NFIB: variants seen among roughly 807,000 people sequenced by gnomAD.
The protein encoded by NFIB is nuclear factor I B.
NFIB carries 11 observed loss-of-function variants against 61.5 expected under a neutral mutation model. That is an observed-to-expected ratio of 0.18 (90% CI 0.11 to 0.30). The LOEUF is 0.30. Among genes scored for constraint, NFIB ranks in the 10% least tolerant of loss-of-function variants. The pLI is 1.00. For synonymous variants in NFIB, 260 were observed against 216.5 expected (o/e 1.20, Z -1.76); for missense variants, 471 against 608.9 (o/e 0.77, Z 2.38).
At chr9:14,151,210 C>A (rs576853226) in intron 4 of NFIB, among the ~76,000 whole-genome samples, 1 of 152,196 alleles carries the variant, frequency 6.6e-6, no homozygotes, top group African/African-American at 2.4e-5. Context: ...CGTGCTCAAC[C>A]ATTGTGAGTT....
At chr9:14,492,582 G>C in the NFIB span, among the ~76,000 whole-genome samples, 1 of 151,818 alleles carries the variant, frequency 6.6e-6, no homozygotes, top group East Asian at 1.9e-4. Flanking sequence ...AGAGGGAGGG[G>C]GAAGGGAAGG....
intron 2 of NFIB, among the ~76,000 whole-genome samples, chr9:14,247,991 G>A (rs112990324): frequency 5.0e-4 from 74 of 147,126 alleles, no homozygotes; most frequent in Admixed American, 1.4e-3. Context: ...GGAGTACAAC[G>A]GCATAATCAA....
Position 14,240,133 on chromosome 9 carries a change from T to C in NFIB, c.563-60353A>G, listed in dbSNP as rs1301717783. 2.0e-5 allele frequency among the ~76,000 whole-genome samples: 3 copies of C among 152,268 alleles called. No homozygotes were observed. The East Asian group carries it at 5.8e-4, about 29-fold the overall frequency. On this transcript the variant is annotated intron_variant, in intron 2 of 10. Transcript: ENST00000380953. ...AATTTCATTAAATATATAAATTGCATACATAAAAGTTCCTGTGTAGCCTAT... is the reference window on the plus strand; with the variant it reads ...AATTTCATTAAATATATAAATTGCACACATAAAAGTTCCTGTGTAGCCTAT...
chr9:14,246,518 T>C (rs1055152414), intron 2 of NFIB, among the ~76,000 whole-genome samples: 23 of 152,176 alleles, frequency 1.5e-4, no homozygotes, highest in African/African-American at 5.5e-4. Flanking sequence ...GAGCCTTCAG[T>C]CCCTTTGTTG....
chr9:14,124,890 C>T (rs963919015), intron 7 of NFIB, among the ~76,000 whole-genome samples: 1 of 152,102 alleles, frequency 6.6e-6, no homozygotes, highest in Admixed American at 6.5e-5. Flanking sequence ...TCTGATTACT[C>T]TCATATAGAT....
chr9:14,223,211 T>C (rs747114506), intron 2 of NFIB, among the ~76,000 whole-genome samples: 11 of 152,188 alleles, frequency 7.2e-5, no homozygotes, highest in Non-Finnish European at 1.5e-4. Context: ...GGGAGGGTAG[T>C]TGCTATGCTT....
At chr9:14,502,900 A>C in the NFIB span, among the ~76,000 whole-genome samples, 5,058 of 152,014 alleles carry the variant, frequency 0.033, 295 homozygotes, top group African/African-American at 0.12. Flanking sequence ...CCATTTCCCC[A>C]AAATCCATTG....
At chr9:14,386,553 G>T (rs183730922) in intron 1 of NFIB, among the ~76,000 whole-genome samples, 51 of 152,150 alleles carry the variant, frequency 3.4e-4, no homozygotes, top group Non-Finnish European at 5.9e-4. Flanking sequence ...GCTCATAAAG[G>T]GGGGAGAAAT....
At chr9:14,394,107 T>C (rs187035289) in intron 1 of NFIB, among the ~76,000 whole-genome samples, 222 of 152,310 alleles carry the variant, frequency 1.5e-3, no homozygotes, top group Middle Eastern at 0.014. Context: ...CCAGGTGTTA[T>C]GCAAAACACT....
chr9:14,470,383 A>G, the NFIB span, among the ~76,000 whole-genome samples: 3 of 152,316 alleles, frequency 2.0e-5, no homozygotes, highest in South Asian at 4.1e-4. Context: ...TGAGCTTTCA[A>G]CTTACTCCTA....
intron 1 of NFIB, among the ~76,000 whole-genome samples, chr9:14,309,629 C>A (rs1377155674): frequency 2.6e-5 from 4 of 152,224 alleles, no homozygotes; most frequent in Non-Finnish European, 4.4e-5. Flanking sequence ...CTGCTCACAG[C>A]AACCACATCC....
upstream of NFIB, among the ~76,000 whole-genome samples, chr9:14,315,808 C>G (rs897768358): frequency 8.6e-5 from 13 of 151,852 alleles, no homozygotes; most frequent in Non-Finnish European, 1.6e-4. Flanking sequence ...GAGGGGGAAG[C>G]AAAGGCCTCC....
chr9:14,216,856 T>C (rs1401736348), intron 2 of NFIB, among the ~76,000 whole-genome samples: 2 of 152,232 alleles, frequency 1.3e-5, no homozygotes, highest in Non-Finnish European at 2.9e-5. Context: ...GACAGGCCTG[T>C]AACTAAAGCC....
intron 1 of NFIB, among the ~76,000 whole-genome samples, chr9:14,374,595 A>G (rs142059423): frequency 1.3e-5 from 2 of 152,338 alleles, no homozygotes; most frequent in East Asian, 1.9e-4. Flanking sequence ...AAAAGAAGAA[A>G]TGTCTTTTAA....
chr9:14,179,951 T>C (rs1370164197), intron 2 of NFIB, among the ~76,000 whole-genome samples, 171 bp from the exon 3 acceptor site: 1 of 152,180 alleles, frequency 6.6e-6, no homozygotes, highest in East Asian at 1.9e-4. Flanking sequence ...TCAAACTACA[T>C]GAATGCATAT....
the NFIB span, among the ~76,000 whole-genome samples, chr9:14,481,689 T>C: frequency 6.6e-6 from 1 of 152,080 alleles, no homozygotes; most frequent in Non-Finnish European, 1.5e-5. Flanking sequence ...CCTGGTTCCA[T>C]TCACTAGTTC....
chr9:14,453,019 G>A, the NFIB span, among the ~76,000 whole-genome samples: 1 of 152,192 alleles, frequency 6.6e-6, no homozygotes, highest in African/African-American at 2.4e-5. Context: ...GTAACGTGGT[G>A]CCTCTTAAGA....
the NFIB span, among the ~76,000 whole-genome samples, chr9:14,460,171 T>C: frequency 6.6e-6 from 1 of 152,150 alleles, no homozygotes; most frequent in Non-Finnish European, 1.5e-5. Flanking sequence ...ATATACATCA[T>C]GGAATACTAT....
chr9:14,089,248 G>C (rs1328954294), intron 10 of NFIB, among the ~76,000 whole-genome samples: 1 of 151,900 alleles, frequency 6.6e-6, no homozygotes, highest in Non-Finnish European at 1.5e-5. Flanking sequence ...TGCACTTGAG[G>C]AGTTTGGAGT....
Sources: gnomAD v4.1 joint callset for allele counts (sites outside exome capture counted in the v4.1 genomes callset) on GRCh38, gnomAD v4.1.1 for gene constraint, MANE v1.5 for transcripts, NCBI Gene and HGNC (gene_info 2026-07-23, HGNC 2026-07-21) for gene names.